The following CCDC7 variants were observed in gnomAD, a reference collection of about 807,000 sequenced individuals.
CCDC7 encodes coiled-coil domain containing 7.
CCDC7 carries 183 observed loss-of-function variants against 196.9 expected under a neutral mutation model. That is an observed-to-expected ratio of 0.93 (90% CI 0.82 to 1.05). The LOEUF is 1.05. Among genes scored for constraint, CCDC7 ranks in the 50% least tolerant of loss-of-function variants. The pLI is 0.00. For synonymous variants in CCDC7, 525 were observed against 484.6 expected, an observed-to-expected ratio of 1.08 and a Z score of -1.10; for missense variants, 1,540 against 1,482.2, an observed-to-expected ratio of 1.04 and a Z score of -0.64.
At chr10:32,684,382 G>A (rs1374519173) in intron 21 of CCDC7, among the ~76,000 whole-genome samples, 2 of 152,152 alleles carry the variant, frequency 1.3e-5, no homozygotes, top group East Asian at 1.9e-4. Flanking sequence ...CAGGGAGTAG[G>A]GTTGGGCAGG....
At chr10:32,827,672 G>A (rs955614650) in intron 32 of CCDC7, among the ~76,000 whole-genome samples, 3 of 152,138 alleles carry the variant, frequency 2.0e-5, no homozygotes, top group Non-Finnish European at 2.9e-5. Flanking sequence ...GAGGTATAGC[G>A]TTGGGAGAAA....
intron 7 of CCDC7, 136 bp downstream of exon 8, chr10:32,472,678 T>TTTGAGGCTG: frequency 1.3e-6 from 1 of 741,462 alleles, no homozygotes; most frequent in Non-Finnish European, 1.9e-6. Flanking sequence ...CACTGCAGCC[T>TTTGAGGCTG]CAAACTCTTG....
intron 25 of CCDC7, among the ~76,000 whole-genome samples, chr10:32,725,156 T>C (rs935604829): frequency 6.6e-6 from 1 of 152,142 alleles, no homozygotes; most frequent in Non-Finnish European, 1.5e-5. Flanking sequence ...TTTTAGTGTC[T>C]AAGGGCTTGT....
chr10:32,594,459 TG>T (rs1436585607), intron 18 of CCDC7, among the ~76,000 whole-genome samples: 2 of 152,192 alleles, frequency 1.3e-5, no homozygotes, highest in South Asian at 2.1e-4. Context: ...GCTGAGACGA[TG>T]GGGTTTTCTA....
At chr10:32,686,982 A>C (rs759851104) in intron 22 of CCDC7, among the ~76,000 whole-genome samples, 3 of 152,210 alleles carry the variant, frequency 2.0e-5, no homozygotes, top group Non-Finnish European at 4.4e-5. Context: ...CATATAAGAC[A>C]AACTGTTCCT....
chr10:32,865,322 G>T (rs1163600321), intron 41 of CCDC7, among the ~76,000 whole-genome samples: 2 of 151,300 alleles, frequency 1.3e-5, no homozygotes, highest in Non-Finnish European at 3.0e-5. Context: ...ACACACAAAT[G>T]ATGAAAATGC....
At chr10:32,588,487 A>G (rs961776466) in intron 18 of CCDC7, among the ~76,000 whole-genome samples, 1 of 151,962 alleles carries the variant, frequency 6.6e-6, no homozygotes, top group African/African-American at 2.4e-5. Flanking sequence ...AGTTTGAACC[A>G]CACTTTCTTT....
At chr10:32,729,743 T>C (rs964877719) in intron 28 of CCDC7, among the ~76,000 whole-genome samples, 14 of 152,158 alleles carry the variant, frequency 9.2e-5, no homozygotes, top group Admixed American at 5.9e-4. Flanking sequence ...TTTAAATTTA[T>C]ATTCTTCAAA....
chr10:32,577,140 G>A (rs916638861), intron 16 of CCDC7, among the ~76,000 whole-genome samples: 1 of 152,038 alleles, frequency 6.6e-6, no homozygotes, highest in African/African-American at 2.4e-5. Flanking sequence ...GAGGCAGGCA[G>A]ATCACGAGGT....
chr10:32,724,176 A>G (rs999630229), intron 25 of CCDC7, among the ~76,000 whole-genome samples: 14 of 152,116 alleles, frequency 9.2e-5, no homozygotes, highest in African/African-American at 3.4e-4. Flanking sequence ...TTCCTGAGAC[A>G]CATTGTCATG....
At chr10:32,682,077 A>G (rs2075935583) in intron 21 of CCDC7, among the ~76,000 whole-genome samples, 1 of 152,102 alleles carries the variant, frequency 6.6e-6, no homozygotes, top group Non-Finnish European at 1.5e-5. Context: ...ACATGGCTAT[A>G]TTGTGTATTG....
rs761980746 is a variant in CCDC7 at position 32,499,591 on chromosome 10, C to CT, written c.872+7600dup. On this transcript the variant is annotated intron_variant, in intron 9 of 41. Coordinates refer to ENST00000639629, the Ensembl canonical transcript of CCDC7. Reference sequence around the variant, plus strand: ...GAGGGAGCCCTAATGTTGAATCTTTCTTTTTTATTTTTTTATTTTTTTTTA... The same window carrying CT: ...GAGGGAGCCCTAATGTTGAATCTTTCTTTTTTTATTTTTTTATTTTTTTTTA... 2.5e-3 allele frequency among the ~76,000 whole-genome samples: 330 copies of CT among 132,936 alleles called. 1 individual carries two copies. The highest frequency in any genetic ancestry group is 0.017 in the East Asian group (60 of 3,460). 87.2% of individuals were successfully genotyped at this position (132,936 alleles called of 152,430 possible).
At chr10:32,813,264 A>G (rs1426560152) in intron 30 of CCDC7, among the ~76,000 whole-genome samples, 1 of 152,136 alleles carries the variant, frequency 6.6e-6, no homozygotes, top group Non-Finnish European at 1.5e-5. Context: ...TTCAATATGA[A>G]TTTCTTTTTA....
rs561661911 is a variant in CCDC7 at position 32,559,029 on chromosome 10, T to A, written c.1135-6529T>A. Among the ~76,000 whole-genome samples, 5 of 152,346 alleles carry A rather than the reference T, an allele frequency of 3.3e-5. No homozygotes were observed. In the South Asian group the frequency reaches 1.0e-3, roughly 32 times the overall value. On this transcript the variant is annotated intron_variant, in intron 13 of 41. Coordinates refer to ENST00000639629, the Ensembl canonical transcript of CCDC7. The stretch of plus-strand genomic sequence containing the variant: ...CAGGAGATTATATCCCGCACATGGC[T>A]TGGAGGGTCGTACGCCCACGGAGTC...
chr10:32,743,662 T>A (rs1184648373), intron 28 of CCDC7, among the ~76,000 whole-genome samples: 1 of 152,126 alleles, frequency 6.6e-6, no homozygotes, highest in Non-Finnish European at 1.5e-5. Flanking sequence ...GGATTATAAA[T>A]GATACTGCTA....
chr10:32,464,669 C>A (rs1216672361), intron 5 of CCDC7, among the ~76,000 whole-genome samples: 3 of 152,036 alleles, frequency 2.0e-5, no homozygotes, highest in African/African-American at 7.2e-5. Context: ...GCCACCATGC[C>A]TGGCTAATTG....
intron 21 of CCDC7, among the ~76,000 whole-genome samples, chr10:32,674,364 T>A (rs2074569910): frequency 6.6e-6 from 1 of 152,072 alleles, no homozygotes; most frequent in African/African-American, 2.4e-5. Flanking sequence ...TCAAAATTTG[T>A]TGTTTAATTT....
chr10:32,687,120 G>T (rs2076549942), intron 22 of CCDC7, among the ~76,000 whole-genome samples: 1 of 152,202 alleles, frequency 6.6e-6, no homozygotes, highest in Admixed American at 6.5e-5. Context: ...AGTGTTCTAA[G>T]AAGTACCATA....
chr10:32,522,402 G>C (rs1182893791), intron 11 of CCDC7, among the ~76,000 whole-genome samples: 1 of 151,902 alleles, frequency 6.6e-6, no homozygotes, highest in Non-Finnish European at 1.5e-5. Flanking sequence ...AATTTTGGTA[G>C]GTTATATGGG....
Sources: allele counts gnomAD v4.1 joint callset (sites outside exome capture counted in the v4.1 genomes callset), GRCh38; gene constraint gnomAD v4.1.1; transcripts MANE v1.5; gene names NCBI Gene and HGNC (gene_info 2026-07-23, HGNC 2026-07-21).